The following ADAMTSL1 variants were observed in gnomAD, a reference collection of about 807,000 sequenced individuals.
ADAMTSL1 encodes ADAMTS like 1, also known as ADAMTS-like protein 1.
In ADAMTSL1, 126 loss-of-function variants were observed where a neutral mutation model predicts 201.8. That is an observed-to-expected ratio of 0.62 (90% CI 0.54 to 0.72). The LOEUF (loss-of-function observed/expected upper bound fraction) is 0.72, where lower values mean the gene tolerates loss of function less well. ADAMTSL1 is among the 30% of genes least tolerant of loss of function. The probability of loss-of-function intolerance (pLI) is 0.00; values close to 1 mark genes in which losing one functional copy is unlikely to be tolerated. For synonymous variants in ADAMTSL1, 1,121 were observed against 903.4 expected, an observed-to-expected ratio of 1.24 and a Z score of -4.32; for missense variants, 2,679 against 2,277.8, an observed-to-expected ratio of 1.18 and a Z score of -3.59.
In ADAMTSL1 at chr9:18,089,336, A is replaced by G. The variant is rs114233895; in HGVS notation, c.88-74526A>G. On this transcript the variant is annotated intron_variant, in intron 1 of 29. Transcript: ENST00000680146. ...TGCAGGAACATGGATGAAGCTGGGAACCATCGTTCTCAGCAAACTAACACA... is the reference window on the plus strand; with the variant it reads ...TGCAGGAACATGGATGAAGCTGGGAGCCATCGTTCTCAGCAAACTAACACA... Among the ~76,000 whole-genome samples the G allele has an allele frequency of 4.1e-3, 621 of 152,142 alleles. 4 individuals are homozygous for G. Among genetic ancestry groups the G allele is most frequent in the African/African-American group, 0.014 (589 of 41,480 alleles).
At chr9:18,438,542 G>A (rs1819852461) in intron 2 of ADAMTSL1, among the ~76,000 whole-genome samples, 2 of 152,066 alleles carry the variant, frequency 1.3e-5, no homozygotes, top group South Asian at 2.1e-4. Context: ...TCCTCTCTCC[G>A]GCCCCATCCC....
chr9:18,806,832 C>T (rs1398925759), intron 20 of ADAMTSL1, among the ~76,000 whole-genome samples: 1 of 152,164 alleles, frequency 6.6e-6, no homozygotes, highest in African/African-American at 2.4e-5. Context: ...CTGAACACTT[C>T]TGTTTTAAAG....
intron 2 of ADAMTSL1, among the ~76,000 whole-genome samples, chr9:18,514,554 T>G (rs963287631): frequency 3.9e-5 from 6 of 152,000 alleles, no homozygotes; most frequent in African/African-American, 1.4e-4. Context: ...ATGGTCTCGA[T>G]CTCCTGACCT....
At chr9:18,431,027 T>A (rs1819466610) in intron 2 of ADAMTSL1, among the ~76,000 whole-genome samples, 1 of 152,154 alleles carries the variant, frequency 6.6e-6, no homozygotes, top group South Asian at 2.1e-4. Flanking sequence ...ACACTAATCA[T>A]TGAATGCCAG....
At chr9:18,712,578 T>A (rs1304997058) in intron 14 of ADAMTSL1, among the ~76,000 whole-genome samples, 1 of 151,888 alleles carries the variant, frequency 6.6e-6, no homozygotes, top group African/African-American at 2.4e-5. Context: ...GAGCAAAGCC[T>A]CCAAGAAATA....
At chr9:18,315,151 C>G (rs1325299018) in intron 2 of ADAMTSL1, among the ~76,000 whole-genome samples, 4 of 152,090 alleles carry the variant, frequency 2.6e-5, no homozygotes, top group African/African-American at 9.7e-5. Flanking sequence ...TGACAGGGTG[C>G]TGATTGGTGC....
chr9:18,534,833 T>A (rs1401212066), intron 3 of ADAMTSL1, among the ~76,000 whole-genome samples: 1 of 152,242 alleles, frequency 6.6e-6, no homozygotes. Flanking sequence ...TGGCCACTTT[T>A]AGCCACAGCT....
intron 15 of ADAMTSL1, among the ~76,000 whole-genome samples, chr9:18,748,064 A>G (rs923951556): frequency 3.9e-5 from 6 of 152,194 alleles, no homozygotes; most frequent in African/African-American, 1.2e-4. Context: ...GGGTCAAGCC[A>G]GGAGGGCTTC....
rs556008564 is a variant in ADAMTSL1 at position 18,244,433 on chromosome 9, C to T, written c.207+80452C>T. Among the ~76,000 whole-genome samples, 3 of 152,168 alleles carry T rather than the reference C, an allele frequency of 2.0e-5. No individual in the cohort carries two copies. In the South Asian group the frequency reaches 6.2e-4, roughly 32 times the overall value. On this transcript the variant is annotated intron_variant, in intron 2 of 29. Transcript: ENST00000680146. ...GATATGATACATCCTAGCCCAGAAT[C>T]CAGAATTTTCACATTTTTCATCCCA...
intron 1 of ADAMTSL1, among the ~76,000 whole-genome samples, chr9:18,486,651 G>C (rs2131834686): frequency 6.6e-6 from 1 of 152,294 alleles, no homozygotes; most frequent in East Asian, 1.9e-4. Context: ...GCTGCAGTGA[G>C]CCGAGATTGT....
intron 1 of ADAMTSL1, among the ~76,000 whole-genome samples, chr9:18,148,780 A>G (rs958894400): frequency 1.3e-5 from 2 of 152,062 alleles, no homozygotes; most frequent in African/African-American, 4.8e-5. Context: ...CATTTAAACA[A>G]AAAGAGTTTG....
At chr9:18,383,594 G>C (rs1375270139) in intron 2 of ADAMTSL1, among the ~76,000 whole-genome samples, 1 of 152,108 alleles carries the variant, frequency 6.6e-6, no homozygotes, top group Admixed American at 6.6e-5. Flanking sequence ...ATGAATAACA[G>C]ATGTGAGGCT....
intron 2 of ADAMTSL1, among the ~76,000 whole-genome samples, chr9:18,283,491 A>G (rs1217969578): frequency 6.6e-6 from 1 of 151,352 alleles, no homozygotes; most frequent in Non-Finnish European, 1.5e-5. Context: ...CTGTAGTCAC[A>G]GCTACTTGGG....
intron 2 of ADAMTSL1, among the ~76,000 whole-genome samples, chr9:18,254,146 C>T (rs1391327707): frequency 1.3e-5 from 2 of 151,968 alleles, no homozygotes; most frequent in Non-Finnish European, 2.9e-5. Flanking sequence ...GACTCAATTT[C>T]CTCCCCTGTA....
At chr9:18,804,702 T>G (rs939169541) in intron 20 of ADAMTSL1, among the ~76,000 whole-genome samples, 4 of 152,142 alleles carry the variant, frequency 2.6e-5, no homozygotes, top group African/African-American at 9.7e-5. Context: ...TCCCTCAAAG[T>G]TTATTTGACT....
intron 1 of ADAMTSL1, among the ~76,000 whole-genome samples, chr9:18,499,118 A>G (rs1343672267): frequency 6.6e-6 from 1 of 152,264 alleles, no homozygotes; most frequent in Non-Finnish European, 1.5e-5. Flanking sequence ...GGCTTCATGC[A>G]GTGGCCTCTG....
chr9:17,951,331 C>G (rs545572271), intron 1 of ADAMTSL1, among the ~76,000 whole-genome samples: 7 of 152,256 alleles, frequency 4.6e-5, no homozygotes, highest in East Asian at 3.9e-4. Flanking sequence ...CAGAGTTTCT[C>G]CGGAGTGTCC....
At chr9:18,648,830 T>A (rs1191250376) in intron 7 of ADAMTSL1, among the ~76,000 whole-genome samples, 2 of 152,086 alleles carry the variant, frequency 1.3e-5, no homozygotes, top group East Asian at 3.9e-4. Flanking sequence ...ATTTTTTCCT[T>A]CATTTCAACT....
chr9:18,087,596 T>G (rs1823822269), intron 1 of ADAMTSL1, among the ~76,000 whole-genome samples: 1 of 152,184 alleles, frequency 6.6e-6, no homozygotes, highest in Non-Finnish European at 1.5e-5. Context: ...ACAGAAAATT[T>G]AAAGTTTTCT....
Sources: gnomAD v4.1 joint callset for allele counts (sites outside exome capture counted in the v4.1 genomes callset) on GRCh38, gnomAD v4.1.1 for gene constraint, MANE v1.5 for transcripts, NCBI Gene and HGNC (gene_info 2026-07-23, HGNC 2026-07-21) for gene names.